Variants in ST7 observed in about 807,000 individuals in gnomAD.
ST7 encodes the protein suppressor of tumorigenicity 7 protein.
A neutral mutation model predicts 78.7 loss-of-function variants in ST7; 28 were observed. The ratio of observed to expected loss-of-function variants is 0.36; its 90% CI spans 0.26 to 0.49. ST7 has a LOEUF of 0.49. Ranked by LOEUF, ST7 falls within the 20% of genes least tolerant of loss-of-function variation. The pLI is 0.99. For synonymous variants in ST7, 247 were observed against 249.6 expected, an observed-to-expected ratio of 0.99 and a Z score of 0.10; for missense variants, 418 against 696.0, an observed-to-expected ratio of 0.60 and a Z score of 4.49.
intron 15 of ST7, among the ~76,000 whole-genome samples, chr7:117,225,158 G>A (rs1407868184): frequency 2.0e-5 from 3 of 152,192 alleles, no homozygotes; most frequent in African/African-American, 7.2e-5. Context: ...CTCTAGGACT[G>A]GCCGTACAGC....
intron 1 of ST7, among the ~76,000 whole-genome samples, chr7:117,066,544 G>A (rs889712872): frequency 3.9e-5 from 6 of 151,960 alleles, no homozygotes; most frequent in South Asian, 4.2e-4. Flanking sequence ...GGTGGATCAC[G>A]AGGTCAGGAG....
intron 1 of ST7, among the ~76,000 whole-genome samples, chr7:117,060,390 G>T (rs1158723354): frequency 6.6e-6 from 1 of 152,190 alleles, no homozygotes; most frequent in East Asian, 1.9e-4. Flanking sequence ...ACAGACCCTA[G>T]TGTTTAACTT....
At chr7:117,204,958 CTT>C (rs1791605716) in intron 12 of ST7, among the ~76,000 whole-genome samples, 1 of 152,136 alleles carries the variant, frequency 6.6e-6, no homozygotes. Context: ...GTCCCAGTAA[CTT>C]GGGAGGCTGA....
At chr7:116,983,589 C>T (rs187107386) in intron 1 of ST7, among the ~76,000 whole-genome samples, 58 of 152,274 alleles carry the variant, frequency 3.8e-4, no homozygotes, top group African/African-American at 1.1e-3. Context: ...ATGCAGCCTG[C>T]CCCCTGTTCT....
At chr7:117,118,018 CT>C (rs1371999510) in intron 2 of ST7, 1 of 152,150 alleles carries the variant, frequency 6.6e-6, no homozygotes, top group African/African-American at 2.4e-5. Flanking sequence ...TAGTCTTGTC[CT>C]TTCTTAACTT....
intron 13 of ST7, among the ~76,000 whole-genome samples, chr7:117,211,641 T>G (rs1792303456): frequency 1.3e-5 from 2 of 151,448 alleles, no homozygotes; most frequent in Non-Finnish European, 2.9e-5. Flanking sequence ...AAAAAAGGGG[T>G]GGGGCAAAGG....
intron 10 of ST7, 126 bp downstream of exon 10, chr7:117,171,102 C>A: frequency 2.0e-6 from 1 of 487,828 alleles, no homozygotes. Context: ...GAATTTTCAC[C>A]TACAGTTTTA....
intron 9 of ST7, among the ~76,000 whole-genome samples, chr7:117,164,457 G>A (rs1358342656): frequency 6.6e-6 from 1 of 151,796 alleles, no homozygotes; most frequent in East Asian, 2.0e-4. Context: ...GGTGACATTA[G>A]GTAGGGTGGT....
At chr7:117,129,933 G>C in intron 4 of ST7, 86 bp downstream of exon 4, 2 of 1,077,870 alleles carry the variant, frequency 1.9e-6, no homozygotes, top group Non-Finnish European at 2.8e-6. Context: ...TTCATTTAGG[G>C]GTCATTGTAA....
At chr7:117,151,035 C>T (rs1011692604) in intron 9 of ST7, among the ~76,000 whole-genome samples, 4 of 152,224 alleles carry the variant, frequency 2.6e-5, no homozygotes, top group Non-Finnish European at 2.9e-5. Context: ...TCACTTCTTC[C>T]AACAGCACTG....
intron 12 of ST7, chr7:117,198,256 A>C: frequency 2.2e-6 from 1 of 448,334 alleles, no homozygotes; most frequent in South Asian, 1.6e-5. Context: ...GTACCTGCTC[A>C]GTACATGTTG....
rs1247439483 is a variant in ST7, at chr7:117,031,888, T to G, written c.152-67874T>G. 1.0e-3 allele frequency among the ~76,000 whole-genome samples: 153 copies of G among 146,178 alleles called. 6 individuals are homozygous for G. Among genetic ancestry groups the G allele is most frequent in the Non-Finnish European group, 1.9e-3 (124 of 66,438 alleles). ...TATCTATCTATATATATATATTTTT[T>G]TTTTTTTTTTGGCAATGGAGTCTTG... On this transcript the variant is annotated intron_variant, in intron 1 of 15. Coordinates refer to ENST00000323984, the MANE Select transcript of ST7 (RefSeq NM_001369598.1).
chr7:116,957,044 A>G, intron 1 of ST7: 1 of 172,784 alleles, frequency 5.8e-6, no homozygotes, highest in Non-Finnish European at 1.2e-5. Flanking sequence ...TAATAAAAGA[A>G]AAGGACTTTG....
chr7:117,116,637 C>G (rs1184919542), intron 2 of ST7, among the ~76,000 whole-genome samples: 1 of 152,086 alleles, frequency 6.6e-6, no homozygotes, highest in East Asian at 1.9e-4. Flanking sequence ...CTTTTTTATT[C>G]TAGTGCCCCC....
chr7:117,046,038 A>C (rs776410768), intron 1 of ST7, among the ~76,000 whole-genome samples: 3 of 152,188 alleles, frequency 2.0e-5, no homozygotes, highest in Non-Finnish European at 4.4e-5. Flanking sequence ...TCCCATGAGG[A>C]ATATGTTATC....
In ST7 at chr7:117,130,606, A is replaced by G; in HGVS notation, c.565A>G (p.Ile189Val). 2.5e-6 allele frequency: 4 copies of G among 1,607,346 alleles called. No homozygotes were observed. Among genetic ancestry groups the G allele is most frequent in the Non-Finnish European group, 3.4e-6 (4 of 1,176,228 alleles). ...DSDHLRPADA[I>V]MQKAWRERNP... is the part of the protein sequence containing the mutation. ...GGACCATCTGCGTCCCGCAGATGCAAGTATGAAAAATCCATACATCCTTCT... is the reference window on the plus strand; with the variant it reads ...GGACCATCTGCGTCCCGCAGATGCAGGTATGAAAAATCCATACATCCTTCT... Residue 189 changes from isoleucine (I) to valine (V), a missense_variant and splice_region_variant, in exon 5 of 16, where the codon ATA becomes GTA. Ile to Val is a conservative substitution (Grantham distance 29, BLOSUM62 3). This residue lies in a region of ST7 where 288 missense variants were observed against 537.1 expected (regional missense o/e 0.54). Coordinates refer to ENST00000323984, the MANE Select transcript of ST7 (RefSeq NM_001369598.1).
chr7:116,965,618 A>G (rs193126534), intron 1 of ST7, among the ~76,000 whole-genome samples: 1 of 152,294 alleles, frequency 6.6e-6, no homozygotes, highest in African/African-American at 2.4e-5. Context: ...TGTTTTGTAC[A>G]CTGTTTTTTA....
At chr7:117,013,724 T>G (rs1795477943) in intron 1 of ST7, among the ~76,000 whole-genome samples, 1 of 151,976 alleles carries the variant, frequency 6.6e-6, no homozygotes. Context: ...GCTACTCTAT[T>G]CAGGAGGCTG....
In ST7 at chr7:117,098,890, A is replaced by G. The variant is rs1014614993; in HGVS notation, c.152-872A>G. Reference sequence around the variant, plus strand: ...GATATAAATAACAATGACTTAAAATATATGTATAAAATACTTGTAAGTGAA... The same window carrying G: ...GATATAAATAACAATGACTTAAAATGTATGTATAAAATACTTGTAAGTGAA... On this transcript the variant is annotated intron_variant, in intron 1 of 15. Coordinates refer to ENST00000323984, the MANE Select transcript of ST7 (RefSeq NM_001369598.1). 7.4e-6 allele frequency: 9 copies of G among 1,216,502 alleles called. No homozygotes were observed. The African/African-American group carries it at 1.4e-4, about 19-fold the overall frequency. 75.4% of individuals were successfully genotyped at this position (1,216,502 alleles called of 1,614,324 possible).
Sources: allele counts gnomAD v4.1 joint callset (sites outside exome capture counted in the v4.1 genomes callset), GRCh38; gene constraint gnomAD v4.1.1; regional missense constraint gnomAD v4.1.1; transcripts MANE v1.5; gene names NCBI Gene and HGNC (gene_info 2026-07-23, HGNC 2026-07-21).